PRKN: variants seen among roughly 807,000 people sequenced by gnomAD.
PRKN encodes the protein E3 ubiquitin-protein ligase parkin.
Under a neutral mutation model 59.5 loss-of-function variants are expected in PRKN, and 56 were observed. That is an observed-to-expected ratio of 0.94 (90% CI 0.76 to 1.18). The LOEUF (loss-of-function observed/expected upper bound fraction) is 1.18. Among genes scored for constraint, PRKN ranks in the 50% most tolerant of loss-of-function variants. PRKN has a pLI of 0.00. For missense variants in PRKN, 657 were observed against 596.4 expected (o/e 1.10, Z -1.06); for synonymous variants, 250 against 222.1 (o/e 1.13, Z -1.12).
intron 1 of PRKN, among the ~76,000 whole-genome samples, chr6:162,654,736 A>G (rs1015326303): frequency 2.6e-5 from 4 of 152,186 alleles, no homozygotes; most frequent in African/African-American, 9.7e-5. Flanking sequence ...ATTGACTCAC[A>G]GTTCCACATG....
Position 162,684,205 on chromosome 6 carries a change from C to T in PRKN, c.7+43457G>A, listed in dbSNP as rs573630799. 3.3e-5 allele frequency among the ~76,000 whole-genome samples: 5 copies of T among 152,146 alleles called. No homozygotes were observed. The South Asian group carries it at 1.0e-3, about 32-fold the overall frequency. The stretch of plus-strand genomic sequence containing the variant: ...TTTTACTGACATAATGTGAACACTA[C>T]AAAAAGCTGTTTATCTTTGTTGAAG... On this transcript the variant is annotated intron_variant, in intron 1 of 11. Coordinates refer to ENST00000366898, the MANE Select transcript of PRKN (RefSeq NM_004562.3).
intron 1 of PRKN, among the ~76,000 whole-genome samples, chr6:162,676,300 C>T (rs1031638156): frequency 6.6e-6 from 1 of 151,938 alleles, no homozygotes; most frequent in Non-Finnish European, 1.5e-5. Context: ...CTAGAGACAG[C>T]TCTTAAGAAC....
intron 1 of PRKN, among the ~76,000 whole-genome samples, chr6:162,455,701 T>C (rs1790838269): frequency 6.6e-6 from 1 of 151,280 alleles, no homozygotes; most frequent in African/African-American, 2.5e-5. Flanking sequence ...TGGTTTTACA[T>C]CATGTCAAAA....
intron 1 of PRKN, among the ~76,000 whole-genome samples, chr6:162,683,579 A>T (rs1480250319): frequency 6.6e-6 from 1 of 152,128 alleles, no homozygotes; most frequent in Non-Finnish European, 1.5e-5. Context: ...GTTTTTGGTT[A>T]GTTTCCTGGG....
At chr6:162,159,243 C>T (rs1272638001) in intron 4 of PRKN, among the ~76,000 whole-genome samples, 7 of 150,842 alleles carry the variant, frequency 4.6e-5, no homozygotes, top group Admixed American at 1.3e-4. Flanking sequence ...GATACTCATA[C>T]GTGAGCATTG....
chr6:161,443,309 C>CAAAAAAAA (rs145832867), intron 9 of PRKN, among the ~76,000 whole-genome samples: 1 of 79,988 alleles, frequency 1.3e-5, no homozygotes, highest in African/African-American at 4.7e-5. Context: ...GACTCCGTCT[C>CAAAAAAAA]AAAAAAAAAA....
chr6:161,767,300 T>A (rs1789464891), intron 7 of PRKN, among the ~76,000 whole-genome samples: 1 of 152,010 alleles, frequency 6.6e-6, no homozygotes, highest in Non-Finnish European at 1.5e-5. Flanking sequence ...GATCACTAGG[T>A]CAGGAGATCG....
intron 7 of PRKN, among the ~76,000 whole-genome samples, chr6:161,703,372 T>C (rs1004132148): frequency 2.6e-5 from 4 of 152,134 alleles, no homozygotes; most frequent in African/African-American, 9.7e-5. Flanking sequence ...AATAAGCCCA[T>C]GGAAAGACAA....
chr6:161,717,246 C>T (rs1787023544), intron 7 of PRKN, among the ~76,000 whole-genome samples: 1 of 152,196 alleles, frequency 6.6e-6, no homozygotes, highest in Non-Finnish European at 1.5e-5. Flanking sequence ...GGCCTTCTTG[C>T]TGTACCAGCC....
intron 7 of PRKN, among the ~76,000 whole-genome samples, chr6:161,649,477 C>T (rs573507469): frequency 3.3e-5 from 5 of 152,116 alleles, no homozygotes; most frequent in African/African-American, 9.7e-5. Flanking sequence ...AAAAGAAGTA[C>T]GTGTTTGATT....
intron 1 of PRKN, among the ~76,000 whole-genome samples, chr6:162,469,041 A>T (rs1791577726): frequency 1.3e-5 from 2 of 152,146 alleles, no homozygotes; most frequent in South Asian, 4.1e-4. Flanking sequence ...AATGGGGGAA[A>T]TATGGAATGT....
chr6:161,383,970 T>C (rs1183964711), intron 10 of PRKN, among the ~76,000 whole-genome samples: 1 of 152,168 alleles, frequency 6.6e-6, no homozygotes, highest in East Asian at 1.9e-4. Flanking sequence ...ATAAGAGGAA[T>C]TGGAGGCTGG....
intron 4 of PRKN, among the ~76,000 whole-genome samples, chr6:162,147,936 GAGAA>G (rs1782098448): frequency 6.6e-6 from 1 of 152,086 alleles, no homozygotes; most frequent in Admixed American, 6.6e-5. Flanking sequence ...CAGCATAAAA[GAGAA>G]TTCCAAGGAG....
chr6:162,079,331 G>A (rs1435617021), intron 4 of PRKN, among the ~76,000 whole-genome samples: 2 of 152,056 alleles, frequency 1.3e-5, no homozygotes, highest in African/African-American at 2.4e-5. Flanking sequence ...AACTCAAAAG[G>A]GAATTCATAT....
intron 5 of PRKN, among the ~76,000 whole-genome samples, chr6:162,021,463 T>TATATATATATATATA (rs1562466053): frequency 7.4e-5 from 2 of 26,966 alleles, no homozygotes; most frequent in Middle Eastern, 0.042. Context: ...ATATATATAT[T>TATATATATATATATA]TTTTTTTTTT....
chr6:161,608,525 C>CTAAAAAAA, intron 7 of PRKN, among the ~76,000 whole-genome samples: 1 of 151,618 alleles, frequency 6.6e-6, no homozygotes, highest in Non-Finnish European at 1.5e-5. Flanking sequence ...GCTGGATAGT[C>CTAAAAAAA]ATACTATATT....
In PRKN at chr6:161,518,283, C is replaced by T. The variant is rs906632393; in HGVS notation, c.1083+30571G>A. On this transcript the variant is annotated intron_variant, in intron 9 of 11. Transcript: ENST00000366898. The surrounding 1 kb of genome is among the most constrained non-coding windows in gnomAD (Gnocchi z 5.0). ...CTGAAATTCTCTCAGGACAGCTCAG[C>T]CCTGCTTTCCAGAAGATGAGAGGAC... Among the ~76,000 whole-genome samples the T allele has an allele frequency of 6.6e-6, 1 of 152,238 alleles. No homozygotes were observed. Among genetic ancestry groups the T allele is most frequent in the African/African-American group, 2.4e-5 (1 of 41,466 alleles).
chr6:162,557,049 T>C (rs1779636412), intron 1 of PRKN, among the ~76,000 whole-genome samples: 1 of 152,244 alleles, frequency 6.6e-6, no homozygotes. Flanking sequence ...CTCTACCTTA[T>C]GACAAGTGTT....
At position 162,397,120 on chromosome 6, in the gene PRKN, A is replaced by T. The variant is rs572287148; in HGVS notation, c.171+46190T>A. On this transcript the variant is annotated intron_variant, in intron 2 of 11. Coordinates refer to ENST00000366898, the MANE Select transcript of PRKN (RefSeq NM_004562.3). Reference sequence around the variant, plus strand: ...CTTCCCACTAGGCTTGCTAACTGATAGAATGTAAGCCTGAAGCTTATGGTG... The same window carrying T: ...CTTCCCACTAGGCTTGCTAACTGATTGAATGTAAGCCTGAAGCTTATGGTG... Among the ~76,000 whole-genome samples the T allele has an allele frequency of 1.7e-3, 253 of 152,338 alleles. 1 individual carries two copies. Among genetic ancestry groups the T allele is most frequent in the South Asian group, 2.9e-3 (14 of 4,828 alleles).
Sources: gnomAD v4.1 joint callset for allele counts (sites outside exome capture counted in the v4.1 genomes callset) on GRCh38, gnomAD v4.1.1 for gene constraint, Gnocchi (gnomAD v3.1) non-coding constraint, MANE v1.5 for transcripts, NCBI Gene and HGNC (gene_info 2026-07-23, HGNC 2026-07-21) for gene names.